PLXNA2: variants seen among roughly 807,000 people sequenced by gnomAD.
The protein encoded by PLXNA2 is plexin A2, also known as plexin-A2.
In PLXNA2, 91 loss-of-function variants were observed where a neutral mutation model predicts 193.5. The observed-to-expected ratio is 0.47, with a 90% CI of 0.40 to 0.56. The LOEUF (loss-of-function observed/expected upper bound fraction) is 0.56. Among genes scored for constraint, PLXNA2 ranks in the 20% least tolerant of loss-of-function variants. PLXNA2 has a pLI of 0.00. For missense variants in PLXNA2, 1,995 were observed against 2,503.2 expected, an observed-to-expected ratio of 0.80 and a Z score of 4.33; for synonymous variants, 997 against 1,027.3, an observed-to-expected ratio of 0.97 and a Z score of 0.56.
At chr1:208,070,382 G>T (rs999257356) in intron 12 of PLXNA2, among the ~76,000 whole-genome samples, 1 of 152,118 alleles carries the variant, frequency 6.6e-6, no homozygotes, top group Non-Finnish European at 1.5e-5. Flanking sequence ...CCTCACCCAG[G>T]CAATATCCAC....
intron 3 of PLXNA2, among the ~76,000 whole-genome samples, chr1:208,162,570 G>A (rs897432155): frequency 1.3e-5 from 2 of 152,212 alleles, no homozygotes; most frequent in Admixed American, 1.3e-4. Context: ...GGAGTACAAA[G>A]ATGAATCCTG....
chr1:208,113,693 G>T (rs1208794148), intron 4 of PLXNA2, among the ~76,000 whole-genome samples: 2 of 151,874 alleles, frequency 1.3e-5, no homozygotes, highest in African/African-American at 4.8e-5. Flanking sequence ...GAGACTAGAG[G>T]CATGTCATGT....
At chr1:208,205,887 T>C (rs1194263365) in intron 3 of PLXNA2, among the ~76,000 whole-genome samples, 1 of 152,232 alleles carries the variant, frequency 6.6e-6, no homozygotes, top group Admixed American at 6.5e-5. Context: ...TCATCTTCCA[T>C]AGCTTAATGG....
chr1:208,042,598 C>A (rs541917834), intron 21 of PLXNA2, among the ~76,000 whole-genome samples: 1 of 152,184 alleles, frequency 6.6e-6, no homozygotes, highest in Non-Finnish European at 1.5e-5. Flanking sequence ...GGGCTCCATG[C>A]GGAGCTCTCA....
chr1:208,164,708 C>G (rs4844650), intron 3 of PLXNA2, among the ~76,000 whole-genome samples: 28,010 of 152,190 alleles, frequency 0.18, 3,483 homozygotes, highest in East Asian at 0.55. Context: ...TCCCTTCATG[C>G]AGGTGCCAAA....
intron 14 of PLXNA2, among the ~76,000 whole-genome samples, chr1:208,052,923 G>C (rs575706544): frequency 6.6e-6 from 1 of 151,946 alleles, no homozygotes; most frequent in East Asian, 1.9e-4. Flanking sequence ...ATGCCCTTCT[G>C]TCCTTCCCTG....
intron 5 of PLXNA2, among the ~76,000 whole-genome samples, chr1:208,100,073 T>TA (rs566748910): frequency 1.1e-3 from 167 of 147,856 alleles, no homozygotes; most frequent in Middle Eastern, 3.5e-3. Context: ...TCCTCAACTG[T>TA]AAAAAAAAAA....
intron 13 of PLXNA2, among the ~76,000 whole-genome samples, chr1:208,060,440 G>A (rs1665578265): frequency 6.6e-6 from 1 of 152,180 alleles, no homozygotes. Context: ...AAGACTGAAT[G>A]AGGGACGGTC....
At chr1:208,154,864 T>G (rs1042260495) in intron 3 of PLXNA2, among the ~76,000 whole-genome samples, 2 of 152,186 alleles carry the variant, frequency 1.3e-5, no homozygotes, top group Admixed American at 1.3e-4. Context: ...CATGCCAGCA[T>G]GACAAGGCAG....
rs767925996 is a variant in PLXNA2 at position 208,174,403 on chromosome 1, C to T, written c.1372-31940G>A. ...CACAGAAGGCAGAGTCATAAGGAGA[C>T]GCCGCGGGTGGGGGTGGGAGGAGGT... On this transcript the variant is annotated intron_variant, in intron 3 of 31. Coordinates refer to ENST00000367033, the MANE Select transcript of PLXNA2 (RefSeq NM_025179.4). Among the ~76,000 whole-genome samples, 46 of 132,898 alleles carry T rather than the reference C, an allele frequency of 3.5e-4. 1 individual carries two copies. The highest frequency in any genetic ancestry group is 1.2e-3 in the African/African-American group (41 of 34,408). The allele number at this position is 132,898 out of a possible 152,430, so 87.2% of individuals were successfully genotyped here.
Position 208,052,385 on chromosome 1 carries a change from G to C in PLXNA2, c.2935C>G (p.Leu979Val), listed in dbSNP as rs368782986. 6.2e-7 allele frequency: 1 copy of C among 1,614,014 alleles called. No individual in the cohort carries two copies. The highest frequency in any genetic ancestry group is 1.1e-5 in the South Asian group (1 of 91,072). Residue 979 changes from leucine (L) to valine (V), a missense_variant, in exon 15 of 32, where the codon CTT (leucine) becomes GTT (valine). By Grantham distance (32) the Leu-to-Val change is conservative (BLOSUM62 1). Transcript: ENST00000367033. ...GTMVTITGHYLGAGSSVAVYL... is the reference protein window; with the variant it reads ...GTMVTITGHYVGAGSSVAVYL... ...ACTGCCACGCTGCTCCCAGCCCCAA[G>C]GTAATGGCCGGTAATGGTCACCATA...
chr1:208,209,733 T>A (rs1318277), intron 3 of PLXNA2, among the ~76,000 whole-genome samples: 1 of 151,942 alleles, frequency 6.6e-6, no homozygotes, highest in Non-Finnish European at 1.5e-5. Context: ...GAAGAGTCTG[T>A]GATTGCAGGA....
At chr1:208,148,026 A>G (rs975278012) in intron 3 of PLXNA2, among the ~76,000 whole-genome samples, 1 of 152,236 alleles carries the variant, frequency 6.6e-6, no homozygotes. Flanking sequence ...AGTTGAAATG[A>G]GAATGAAATA....
intron 13 of PLXNA2, among the ~76,000 whole-genome samples, chr1:208,060,483 G>C (rs556354776): frequency 5.9e-5 from 9 of 152,288 alleles, no homozygotes; most frequent in African/African-American, 1.9e-4. Context: ...AAGAGTCAGG[G>C]AACAGGGAAT....
intron 4 of PLXNA2, among the ~76,000 whole-genome samples, chr1:208,110,190 C>A (rs1667418900): frequency 1.3e-5 from 2 of 152,216 alleles, no homozygotes; most frequent in Non-Finnish European, 1.5e-5. Flanking sequence ...GGGGAAAGTC[C>A]AGGCCCCCTC....
At chr1:208,199,865 G>T (rs186420773) in intron 3 of PLXNA2, among the ~76,000 whole-genome samples, 2 of 152,058 alleles carry the variant, frequency 1.3e-5, no homozygotes, top group African/African-American at 2.4e-5. Context: ...AGAACAATAC[G>T]CATCTTACTT....
At chr1:208,200,963 A>C (rs1179767043) in intron 3 of PLXNA2, among the ~76,000 whole-genome samples, 1 of 152,196 alleles carries the variant, frequency 6.6e-6, no homozygotes, top group Admixed American at 6.5e-5. Flanking sequence ...ATAGAATCAA[A>C]GAGAATTTGG....
chr1:208,042,060 C>T, intron 22 of PLXNA2, 38 bp downstream of exon 22: 1 of 1,601,308 alleles, frequency 6.2e-7, no homozygotes, highest in Non-Finnish European at 8.5e-7. Flanking sequence ...CAGGTTCAGA[C>T]TCCTGCCACC....
At chr1:208,124,521 A>C (rs1418042367) in intron 4 of PLXNA2, among the ~76,000 whole-genome samples, 14 of 152,086 alleles carry the variant, frequency 9.2e-5, no homozygotes, top group Non-Finnish European at 1.2e-4. Flanking sequence ...TCTACTAAAA[A>C]TACAAAAATT....
Sources: allele counts gnomAD v4.1 joint callset (sites outside exome capture counted in the v4.1 genomes callset), GRCh38; gene constraint gnomAD v4.1.1; transcripts MANE v1.5; gene names NCBI Gene and HGNC (gene_info 2026-07-23, HGNC 2026-07-21).